The following PRKCA variants were observed in gnomAD, a reference collection of about 807,000 sequenced individuals.
The protein encoded by PRKCA is protein kinase C alpha type.
In PRKCA, 27 loss-of-function variants were observed where a neutral mutation model predicts 87.0. The observed-to-expected ratio is 0.31, with a 90% CI of 0.23 to 0.43. PRKCA has a LOEUF of 0.43. PRKCA is among the 20% of genes least tolerant of loss of function. The pLI is 1.00. For missense variants in PRKCA, 518 were observed against 852.3 expected, an observed-to-expected ratio of 0.61 and a Z score of 4.88; for synonymous variants, 329 against 311.1, an observed-to-expected ratio of 1.06 and a Z score of -0.61.
chr17:66,591,690 G>A (rs1429705831), intron 3 of PRKCA, among the ~76,000 whole-genome samples: 2 of 152,150 alleles, frequency 1.3e-5, no homozygotes, highest in Non-Finnish European at 2.9e-5. Flanking sequence ...GAAAAAGTTG[G>A]TTTGCTGCTA....
chr17:66,394,080 A>G (rs1910525607), intron 2 of PRKCA, among the ~76,000 whole-genome samples: 1 of 152,202 alleles, frequency 6.6e-6, no homozygotes, highest in Non-Finnish European at 1.5e-5. Flanking sequence ...CTCAAAAAAA[A>G]AGAAAGAGTG....
chr17:66,437,732 GA>G (rs1201203866), intron 2 of PRKCA, among the ~76,000 whole-genome samples: 45 of 1,738 alleles, frequency 0.026, no homozygotes, highest in South Asian at 0.075. Flanking sequence ...TTTTTTTTTT[GA>G]GCGGGGGGTG....
intron 2 of PRKCA, among the ~76,000 whole-genome samples, chr17:66,486,795 T>C (rs534752983): frequency 7.9e-5 from 12 of 152,288 alleles, no homozygotes; most frequent in African/African-American, 2.6e-4. Flanking sequence ...GACCCCTGTT[T>C]ATTGTTTCAT....
intron 2 of PRKCA, among the ~76,000 whole-genome samples, chr17:66,454,594 C>T (rs753214388): frequency 4.6e-5 from 7 of 152,076 alleles, no homozygotes; most frequent in East Asian, 1.9e-4. Flanking sequence ...ACAATCATGG[C>T]GGAAGGTGAA....
At chr17:66,433,266 AGCCCCGGCCCCAGCTCTG>A (rs1186893740) in intron 2 of PRKCA, among the ~76,000 whole-genome samples, 2 of 152,164 alleles carry the variant, frequency 1.3e-5, no homozygotes, top group East Asian at 1.9e-4. Context: ...GCTTCCCTGC[AGCCCCGGCCCCAGCTCTG>A]GCCCCGGCCC....
chr17:66,566,184 C>A (rs1334830656), intron 3 of PRKCA, among the ~76,000 whole-genome samples: 1 of 152,126 alleles, frequency 6.6e-6, no homozygotes, highest in Non-Finnish European at 1.5e-5. Context: ...CCTCTATGGC[C>A]CCTTTCAGAT....
intron 2 of PRKCA, among the ~76,000 whole-genome samples, chr17:66,464,197 C>A (rs551405677): frequency 6.6e-6 from 1 of 152,176 alleles, no homozygotes; most frequent in South Asian, 2.1e-4. Flanking sequence ...TATGTCTTTT[C>A]GTGGCTGGAT....
chr17:66,570,759 T>C (rs559144438), intron 3 of PRKCA, among the ~76,000 whole-genome samples: 2 of 152,332 alleles, frequency 1.3e-5, no homozygotes, highest in Non-Finnish European at 1.5e-5. Context: ...TGTAAACTTC[T>C]CAACCCAAAT....
chr17:66,350,506 T>G (rs1907675993), intron 2 of PRKCA, among the ~76,000 whole-genome samples: 1 of 152,176 alleles, frequency 6.6e-6, no homozygotes, highest in Admixed American at 6.5e-5. Context: ...CATTTGTGTT[T>G]GGGGCCAGTT....
chr17:66,570,364 T>G (rs570262163), intron 3 of PRKCA, among the ~76,000 whole-genome samples: 8 of 152,334 alleles, frequency 5.3e-5, no homozygotes, highest in African/African-American at 1.9e-4. Flanking sequence ...ATGTAAAACA[T>G]GTATGCTACA....
intron 2 of PRKCA, among the ~76,000 whole-genome samples, chr17:66,370,431 A>G (rs1317603029): frequency 6.6e-6 from 1 of 151,582 alleles, no homozygotes. Flanking sequence ...GATGGCGAAC[A>G]GTGGTTAACA....
chr17:66,804,244 A>G lies in PRKCA; in HGVS notation c.*207A>G, dbSNP rs562706527. ...GAACATTATCTTAGTGGAAGATGGT[A>G]CGTCATGCTCAGTGTCCAGTTTAAT... On this transcript the variant is annotated 3_prime_UTR_variant, in exon 17 of 17. Transcript: ENST00000413366. 23 of 644,458 alleles carry G rather than the reference A, an allele frequency of 3.6e-5. No homozygotes were observed. The Admixed American group carries it at 5.3e-4, about 15-fold the overall frequency. The allele number at this position is 644,458 out of a possible 1,614,324, so 39.9% of individuals were successfully genotyped here.
At chr17:66,348,609 A>C (rs1450455433) in intron 2 of PRKCA, among the ~76,000 whole-genome samples, 2 of 152,270 alleles carry the variant, frequency 1.3e-5, no homozygotes, top group Non-Finnish European at 2.9e-5. Context: ...TGCCCAAAAC[A>C]GTGCATCAAT....
intron 5 of PRKCA, among the ~76,000 whole-genome samples, chr17:66,653,502 G>A (rs1344388105): frequency 6.6e-6 from 1 of 152,162 alleles, no homozygotes; most frequent in Non-Finnish European, 1.5e-5. Context: ...GAGGCAGAAG[G>A]ATCGCTTGAA....
chr17:66,778,494 C>T (rs751493094), intron 14 of PRKCA, among the ~76,000 whole-genome samples: 11 of 151,708 alleles, frequency 7.3e-5, no homozygotes, highest in Non-Finnish European at 1.3e-4. Context: ...GCAGCCTGGG[C>T]GACAGAGCGA....
At chr17:66,406,893 C>T (rs995208314) in intron 2 of PRKCA, among the ~76,000 whole-genome samples, 9 of 152,120 alleles carry the variant, frequency 5.9e-5, no homozygotes, top group Admixed American at 4.6e-4. Flanking sequence ...TAAGGGACTG[C>T]GAATTGCTGG....
intron 16 of PRKCA, among the ~76,000 whole-genome samples, chr17:66,794,315 C>T (rs780881427): frequency 1.3e-5 from 2 of 152,120 alleles, no homozygotes; most frequent in African/African-American, 4.8e-5. Context: ...AGAATAAGAA[C>T]ATTGAGGACA....
At chr17:66,316,422 A>G in intron 2 of PRKCA, among the ~76,000 whole-genome samples, 1 of 152,210 alleles carries the variant, frequency 6.6e-6, no homozygotes, top group Non-Finnish European at 1.5e-5. Flanking sequence ...TGTTTAAAAT[A>G]AGCTTGTTCA....
At chr17:66,391,264 A>T (rs1910342915) in intron 2 of PRKCA, among the ~76,000 whole-genome samples, 1 of 152,146 alleles carries the variant, frequency 6.6e-6, no homozygotes, top group Non-Finnish European at 1.5e-5. Context: ...ACATCATTCA[A>T]CTTGCATATA....
Sources: allele counts gnomAD v4.1 joint callset (sites outside exome capture counted in the v4.1 genomes callset), GRCh38; gene constraint gnomAD v4.1.1; transcripts MANE v1.5; gene names NCBI Gene and HGNC (gene_info 2026-07-23, HGNC 2026-07-21).